Variants in DNM1 observed in about 807,000 individuals in gnomAD.
The protein encoded by DNM1 is dynamin-1.
DNM1 carries 29 observed loss-of-function variants against 104.6 expected under a neutral mutation model. The observed-to-expected ratio is 0.28, with a 90% CI of 0.21 to 0.38. DNM1 has a LOEUF of 0.38. Ranked by LOEUF, DNM1 falls within the 10% of genes least tolerant of loss-of-function variation. The pLI is 1.00. For missense variants in DNM1, 640 were observed against 1,189.4 expected (o/e 0.54, Z 6.79); for synonymous variants, 445 against 475.8 (o/e 0.94, Z 0.84).
At chr9:128,219,714 G>A (rs1834829368) in intron 4 of DNM1, among the ~76,000 whole-genome samples, 1 of 152,206 alleles carries the variant, frequency 6.6e-6, no homozygotes, top group Non-Finnish European at 1.5e-5. Flanking sequence ...TGTAATCCCA[G>A]CACTTTGGGA....
At chr9:128,252,079 G>A (rs979521476) in intron 21 of DNM1, 19 of 199,460 alleles carry the variant, frequency 9.5e-5, no homozygotes, top group Admixed American at 2.2e-4. Context: ...CTTTAGACAC[G>A]TCTCTTTCCC....
chr9:128,214,693 C>T (rs560788228), intron 1 of DNM1, among the ~76,000 whole-genome samples: 275 of 152,318 alleles, frequency 1.8e-3, no homozygotes, highest in Non-Finnish European at 2.5e-3. Flanking sequence ...TCATGTTTCA[C>T]GTTTGAAGGT....
At chr9:128,226,012 C>A (rs748905981) in intron 10 of DNM1, 1 of 1,611,630 alleles carries the variant, frequency 6.2e-7, no homozygotes, top group Non-Finnish European at 8.5e-7. Context: ...CTCCTCCTGT[C>A]CCCACCTCCT....
In DNM1 at chr9:128,224,445, C is replaced by A; in HGVS notation, c.1335+56C>A. Reference sequence around the variant, plus strand: ...GCCTCTGCCCCGCCCTGCACTGCTGCCAGGCGCTCCTTCCCCATGTCCCCC... The same window carrying A: ...GCCTCTGCCCCGCCCTGCACTGCTGACAGGCGCTCCTTCCCCATGTCCCCC... On this transcript the variant is annotated intron_variant, in intron 10 of 21. Coordinates refer to ENST00000372923, the MANE Select transcript of DNM1 (RefSeq NM_004408.4). This position sits in a 1 kb window ranked among gnomAD's most constrained non-coding sequence, Gnocchi z 4.3. 1 of 1,536,896 alleles carries A rather than the reference C, an allele frequency of 6.5e-7. No homozygotes were observed. Among genetic ancestry groups the A allele is most frequent in the Non-Finnish European group, 8.8e-7 (1 of 1,131,052 alleles).
intron 13 of DNM1, 38 bp from the exon 14 acceptor site, chr9:128,239,947 C>A: frequency 6.2e-7 from 1 of 1,613,582 alleles, no homozygotes; most frequent in Non-Finnish European, 8.5e-7. Context: ...CCTCTCTCCC[C>A]GATGCCTCTC....
rs1048463645 is a variant in DNM1, at chr9:128,203,647, C to T, written c.161+16C>T. The T allele has an allele frequency of 6.6e-7, 1 of 1,507,118 alleles. No homozygotes were observed. 93.4% of individuals were successfully genotyped at this position (1,507,118 alleles called of 1,614,324 possible). On this transcript the variant is annotated intron_variant, in intron 1 of 21. Transcript: ENST00000372923. This position sits in a 1 kb window ranked among gnomAD's most constrained non-coding sequence, Gnocchi z 5.3. ...TCGTAGGCAGGTAGGCGCGGCGCGC[C>T]CCCAGGCGCCGACCCCCGACCCCCG...
rs1444312974 is a variant in DNM1 at position 128,240,301 on chromosome 9, C to T, written c.1557+305C>T. ...AACATCTGCTGGATGGAGGGATGCA[C>T]GTGAGCAAGACACATTTTTAAGAAG... On this transcript the variant is annotated intron_variant, in intron 14 of 21. Transcript: ENST00000372923. This position sits in a 1 kb window ranked among gnomAD's most constrained non-coding sequence, Gnocchi z 5.1. 1.7e-5 allele frequency: 7 copies of T among 406,562 alleles called. No individual in the cohort carries two copies. The highest frequency in any genetic ancestry group is 8.3e-5 in the Admixed American group (2 of 24,006). The allele number at this position is 406,562 out of a possible 1,614,324, so 25.2% of individuals were successfully genotyped here. A position where few individuals can be genotyped will look rare whatever the true frequency, so the allele number is the denominator to read the frequency against.
In DNM1 at chr9:128,248,059, T is replaced by A; in HGVS notation, c.1905+124T>A. On this transcript the variant is annotated intron_variant, in intron 18 of 21. Transcript: ENST00000372923. The surrounding 1 kb of genome is among the most constrained non-coding windows in gnomAD (Gnocchi z 5.6). ...ATTTCTGGATTGGGGCCAGGCGCAG[T>A]GGCTCACACCTGTAAACCCAACACT... The A allele has an allele frequency of 1.5e-6, 2 of 1,340,340 alleles. No homozygotes were observed. The highest frequency in any genetic ancestry group is 2.1e-6 in the Non-Finnish European group (2 of 936,644). 83.0% of individuals were successfully genotyped at this position (1,340,340 alleles called of 1,614,324 possible). A position where few individuals can be genotyped will look rare whatever the true frequency, so the allele number is the denominator to read the frequency against.
intron 10 of DNM1, chr9:128,226,250 C>A: frequency 1.3e-6 from 2 of 1,584,100 alleles, no homozygotes; most frequent in Non-Finnish European, 1.7e-6. Context: ...GCAGAAGGAT[C>A]TGCTGAGCCG....
At position 128,248,569 on chromosome 9, in the gene DNM1, G is replaced by A; in HGVS notation, c.1906-14G>A. 6.2e-7 allele frequency: 1 copy of A among 1,610,786 alleles called. No individual in the cohort carries two copies. The highest frequency in any genetic ancestry group is 8.5e-7 in the Non-Finnish European group (1 of 1,177,390). ...TGGCCTGGCCACCTGATGCCCTTGT[G>A]TTCTCCATGGCAGGCCAGCGAGACC... is the stretch of plus-strand genomic sequence containing the variant. On this transcript the variant is annotated splice_polypyrimidine_tract_variant and intron_variant, in intron 18 of 21. Transcript: ENST00000372923. The surrounding 1 kb of genome is among the most constrained non-coding windows in gnomAD (Gnocchi z 5.6).
intron 4 of DNM1, 147 bp from the exon 5 acceptor site, chr9:128,219,841 A>G (rs539588636): frequency 6.9e-6 from 4 of 583,058 alleles, no homozygotes; most frequent in South Asian, 2.7e-5. Context: ...CATTTTGGCT[A>G]CTCTGTGGAA....
rs533933768 is a variant in DNM1, at chr9:128,253,063, C to T, written c.2535-1591C>T. On this transcript the variant is annotated intron_variant, in intron 21 of 21. Coordinates refer to ENST00000372923, the MANE Select transcript of DNM1 (RefSeq NM_004408.4). This position sits in a 1 kb window ranked among gnomAD's most constrained non-coding sequence, Gnocchi z 5.9. The stretch of plus-strand genomic sequence containing the variant: ...CACCCCCAGGCCGGCCCCACCCGTG[C>T]GTGTGAACTGCCATGTTGATTTCGT... 9 of 1,610,216 alleles carry T rather than the reference C, an allele frequency of 5.6e-6. No individual in the cohort carries two copies. The highest frequency in any genetic ancestry group is 2.2e-5 in the East Asian group (1 of 44,880).
intron 15 of DNM1, among the ~76,000 whole-genome samples, 153 bp from the exon 16 acceptor site, chr9:128,246,241 C>T (rs536252665): frequency 2.6e-4 from 39 of 152,242 alleles, no homozygotes; most frequent in African/African-American, 8.9e-4. Context: ...AGGAGGCCTA[C>T]GGTCCGTGGC....
chr9:128,247,545 A>G lies in DNM1; in HGVS notation c.1893+59A>G. 4.6e-6 allele frequency: 6 copies of G among 1,304,768 alleles called. No individual in the cohort carries two copies. Among genetic ancestry groups the G allele is most frequent in the Non-Finnish European group, 5.5e-6 (5 of 916,346 alleles). The allele number at this position is 1,304,768 out of a possible 1,614,324, so 80.8% of individuals were successfully genotyped here. A position where few individuals can be genotyped will look rare whatever the true frequency, so the allele number is the denominator to read the frequency against. On this transcript the variant is annotated intron_variant, in intron 17 of 21. Transcript: ENST00000372923. The surrounding 1 kb of genome is among the most constrained non-coding windows in gnomAD (Gnocchi z 5.1). ...ATGATCCTAGGGCCCCTGGGGCACCATCCTCAGTGATGCCAAGTCATGCCA... is the reference window on the plus strand; with the variant it reads ...ATGATCCTAGGGCCCCTGGGGCACCGTCCTCAGTGATGCCAAGTCATGCCA...
intron 11 of DNM1, among the ~76,000 whole-genome samples, chr9:128,234,589 G>T (rs1263057805): frequency 6.6e-6 from 1 of 152,176 alleles, no homozygotes; most frequent in Non-Finnish European, 1.5e-5. Flanking sequence ...GGCCAGGCTG[G>T]TCTCAAACTC....
intron 11 of DNM1, among the ~76,000 whole-genome samples, chr9:128,239,111 C>A (rs1252779762): frequency 6.6e-6 from 1 of 152,152 alleles, no homozygotes; most frequent in Non-Finnish European, 1.5e-5. Context: ...AATCCTCCCT[C>A]CTCAGCCTCC....
chr9:128,253,048 C>T lies in DNM1; in HGVS notation c.2535-1606C>T, dbSNP rs1042674049. ...CGTGTGTGTGTCCCCCACCCCCAGG[C>T]CGGCCCCACCCGTGCGTGTGAACTG... On this transcript the variant is annotated intron_variant, in intron 21 of 21. Coordinates refer to ENST00000372923, the MANE Select transcript of DNM1 (RefSeq NM_004408.4). The surrounding 1 kb of genome is among the most constrained non-coding windows in gnomAD (Gnocchi z 5.9). 1.0e-5 allele frequency: 16 copies of T among 1,597,950 alleles called. No homozygotes were observed. Among genetic ancestry groups the T allele is most frequent in the Non-Finnish European group, 1.4e-5 (16 of 1,168,602 alleles).
At position 128,245,140 on chromosome 9, in the gene DNM1, G is replaced by C; in HGVS notation, c.1672-1254G>C. 1 of 190,954 alleles carries C rather than the reference G, an allele frequency of 5.2e-6. No homozygotes were observed. The highest frequency in any genetic ancestry group is 1.4e-4 in the East Asian group (1 of 7,292). 11.8% of individuals were successfully genotyped at this position (190,954 alleles called of 1,614,324 possible). A position where few individuals can be genotyped will look rare whatever the true frequency, so the allele number is the denominator to read the frequency against. On this transcript the variant is annotated intron_variant, in intron 15 of 21. Coordinates refer to ENST00000372923, the MANE Select transcript of DNM1 (RefSeq NM_004408.4). This position sits in a 1 kb window ranked among gnomAD's most constrained non-coding sequence, Gnocchi z 5.2. ...GGTGGTGGCGGGGCCTCTCTCGAAC[G>C]GTTCCAGATGTTCCCTGGCCGTGTG...
intron 1 of DNM1, among the ~76,000 whole-genome samples, chr9:128,204,603 A>G (rs1833790550): frequency 1.3e-5 from 2 of 152,182 alleles, no homozygotes; most frequent in Non-Finnish European, 2.9e-5. Context: ...AAAGGGAGGC[A>G]GAAATAGTTT....
Sources: gnomAD v4.1 joint callset for allele counts (sites outside exome capture counted in the v4.1 genomes callset) on GRCh38, gnomAD v4.1.1 for gene constraint, Gnocchi (gnomAD v3.1) non-coding constraint, MANE v1.5 for transcripts, NCBI Gene and HGNC (gene_info 2026-07-23, HGNC 2026-07-21) for gene names.